SYTL2: variants seen among roughly 807,000 people sequenced by gnomAD.
SYTL2 encodes synaptotagmin-like protein 2.
In SYTL2, 165 loss-of-function variants were observed where a neutral mutation model predicts 198.7. The observed-to-expected ratio is 0.83, with a 90% CI of 0.73 to 0.94. The LOEUF is 0.94. SYTL2 is among the 40% of genes least tolerant of loss of function. The probability of loss-of-function intolerance (pLI) is 0.00; values close to 1 mark genes in which losing one functional copy is unlikely to be tolerated. For missense variants in SYTL2, 2,835 were observed against 2,582.8 expected, an observed-to-expected ratio of 1.10 and a Z score of -2.12; for synonymous variants, 966 against 917.7, an observed-to-expected ratio of 1.05 and a Z score of -0.95.
the SYTL2 span, among the ~76,000 whole-genome samples, chr11:85,843,259 T>G: frequency 5.3e-4 from 80 of 152,042 alleles, 2 homozygotes; most frequent in African/African-American, 1.8e-3. Context: ...TCCCAGTTAC[T>G]TGGGAGGCTG....
chr11:85,711,965 A>T (rs758095470), intron 12 of SYTL2, among the ~76,000 whole-genome samples: 2 of 152,192 alleles, frequency 1.3e-5, no homozygotes, highest in Non-Finnish European at 1.5e-5. Flanking sequence ...CAAGAAAGAA[A>T]AGTGACAGTA....
chr11:85,729,060 C>T (rs556223842), intron 7 of SYTL2, among the ~76,000 whole-genome samples: 1 of 152,256 alleles, frequency 6.6e-6, no homozygotes, highest in South Asian at 2.1e-4. Flanking sequence ...TATATATGCA[C>T]CCAATACAGG....
chr11:85,817,504 A>T, the SYTL2 span, among the ~76,000 whole-genome samples: 3 of 152,220 alleles, frequency 2.0e-5, no homozygotes, highest in Admixed American at 1.3e-4. Flanking sequence ...AATTAATTTC[A>T]TCTGTTTATT....
intron 1 of SYTL2, among the ~76,000 whole-genome samples, chr11:85,792,877 T>C (rs1388061924): frequency 1.3e-5 from 2 of 151,548 alleles, no homozygotes; most frequent in Non-Finnish European, 2.9e-5. Flanking sequence ...GAACATGCAG[T>C]GTTTGGGTTT....
At chr11:85,822,797 C>T in the SYTL2 span, among the ~76,000 whole-genome samples, 5 of 152,180 alleles carry the variant, frequency 3.3e-5, no homozygotes, top group Admixed American at 2.0e-4. Flanking sequence ...GCAGAGAGGA[C>T]GGACAAGCTG....
chr11:85,694,605 CTGTT>C lies in SYTL2; in HGVS notation c.*586_*589del, dbSNP rs1463070859. ...AAAATACATTTGAGGCTTGTTTTAA[CTGTT>C]TGTTTTCTCAAGGCAGAAAAACACC... On this transcript the variant is annotated 3_prime_UTR_variant, in exon 20 of 20. Transcript: ENST00000359152. The C allele has an allele frequency of 3.9e-5, 6 of 152,144 alleles. No individual in the cohort carries two copies. Among genetic ancestry groups the C allele is most frequent in the African/African-American group, 7.2e-5 (3 of 41,432 alleles). The allele number at this position is 152,144 out of a possible 1,614,324, so 9.4% of individuals were successfully genotyped here.
At chr11:85,795,484 G>C (rs1395617912) in intron 1 of SYTL2, among the ~76,000 whole-genome samples, 2 of 152,164 alleles carry the variant, frequency 1.3e-5, no homozygotes, top group African/African-American at 4.8e-5. Context: ...GTGCCAGGCA[G>C]TGTACCAAAA....
intron 1 of SYTL2, among the ~76,000 whole-genome samples, chr11:85,787,341 C>A (rs2092651285): frequency 1.3e-5 from 2 of 152,302 alleles, no homozygotes; most frequent in South Asian, 2.1e-4. Flanking sequence ...TTCACCCTTC[C>A]ATAGATACTT....
At chr11:85,758,412 TAA>T (rs2091977649) in intron 1 of SYTL2, among the ~76,000 whole-genome samples, 1 of 152,220 alleles carries the variant, frequency 6.6e-6, no homozygotes, top group African/African-American at 2.4e-5. Flanking sequence ...GATGCTAGGC[TAA>T]AAAGTCATGT....
intron 1 of SYTL2, among the ~76,000 whole-genome samples, chr11:85,805,091 T>C (rs974604989): frequency 6.6e-6 from 1 of 152,158 alleles, no homozygotes; most frequent in African/African-American, 2.4e-5. Context: ...TGGAGGGAAT[T>C]ACATGCTATG....
At chr11:85,769,521 T>C (rs1159872692) in intron 1 of SYTL2, among the ~76,000 whole-genome samples, 2 of 152,230 alleles carry the variant, frequency 1.3e-5, no homozygotes, top group Non-Finnish European at 2.9e-5. Context: ...GTAAGATCCA[T>C]TTCAGACTTC....
rs749622117 is a variant in SYTL2 at position 85,734,634 on chromosome 11, T to G, written c.695A>C (p.Lys232Thr). ...CTTCCTGGCTTTGGGGATTGGAGCC[T>G]TGATTTGGGACCCATTTGAAAGGCC... ...LPGLSNGSQI[K>T]APIPKARKMI... Residue 232 changes from lysine (K) to threonine (T), a missense_variant, in exon 7 of 20, where the codon AAG (lysine) becomes ACG (threonine). Lys to Thr is a moderately conservative substitution (Grantham distance 78). This residue lies in a region of SYTL2 where 2,645 missense variants were observed against 2,381.7 expected (regional missense o/e 1.11). Coordinates refer to ENST00000359152, the MANE Select transcript of SYTL2 (RefSeq NM_206927.4). The G allele has an allele frequency of 3.1e-6, 5 of 1,614,096 alleles. No homozygotes were observed. The East Asian group carries it at 8.9e-5, about 29-fold the overall frequency.
intron 8 of SYTL2, among the ~76,000 whole-genome samples, chr11:85,722,617 C>T (rs1329878263): frequency 6.6e-6 from 1 of 152,072 alleles, no homozygotes; most frequent in Admixed American, 6.5e-5. Context: ...ACACTAGCAA[C>T]TCATGGGCAG....
chr11:85,733,036 C>A (rs916927066), intron 7 of SYTL2, among the ~76,000 whole-genome samples: 1 of 152,132 alleles, frequency 6.6e-6, no homozygotes, highest in Non-Finnish European at 1.5e-5. Context: ...ACCCTCATTG[C>A]CTCTCAACTC....
At chr11:85,816,594 A>G in the SYTL2 span, among the ~76,000 whole-genome samples, 1 of 152,166 alleles carries the variant, frequency 6.6e-6, no homozygotes, top group African/African-American at 2.4e-5. Context: ...TGTACTTCAT[A>G]CCATAGAACT....
At chr11:85,757,438 A>G (rs553596414) in intron 2 of SYTL2, among the ~76,000 whole-genome samples, 187 bp downstream of exon 2, 1 of 152,330 alleles carries the variant, frequency 6.6e-6, no homozygotes, top group Non-Finnish European at 1.5e-5. Flanking sequence ...GTAGGAGTCC[A>G]GTAGGATAAA....
rs372983553 is a variant in SYTL2, at chr11:85,726,191, G to A, written c.3167C>T (p.Ser1056Leu). 3.5e-5 allele frequency: 56 copies of A among 1,613,492 alleles called. No individual in the cohort carries two copies. In the African/African-American group the frequency reaches 7.1e-4, roughly 20 times the overall value. Reference protein sequence around the residue: ...MAREEMEKLNSKGILQVLPDE... With the variant: ...MAREEMEKLNLKGILQVLPDE... ...TGGTAGCACCTGGAGTATGCCCTTT[G>A]AATTTAATTTCTCCATTTCCTCTCT... The change falls in exon 8 of 20, where the codon TCA (serine) becomes TTA (leucine). Residue 1056 changes from serine (S) to leucine (L), a missense_variant. Physicochemically the swap from Ser to Leu is moderately radical, Grantham distance 145. This residue lies in a region of SYTL2 where 2,645 missense variants were observed against 2,381.7 expected (regional missense o/e 1.11). Coordinates refer to ENST00000359152, the MANE Select transcript of SYTL2 (RefSeq NM_206927.4).
chr11:85,791,032 T>A (rs1343701783), intron 1 of SYTL2, among the ~76,000 whole-genome samples: 1 of 151,408 alleles, frequency 6.6e-6, no homozygotes, highest in Non-Finnish European at 1.5e-5. Flanking sequence ...CCGGGCATGG[T>A]GATGCACACC....
At chr11:85,731,688 C>A (rs1242182906) in intron 7 of SYTL2, among the ~76,000 whole-genome samples, 1 of 152,164 alleles carries the variant, frequency 6.6e-6, no homozygotes, top group Non-Finnish European at 1.5e-5. Flanking sequence ...GACTTCATGA[C>A]TAAAACACCA....
Sources: gnomAD v4.1 joint callset for allele counts (sites outside exome capture counted in the v4.1 genomes callset) on GRCh38, gnomAD v4.1.1 for gene constraint, gnomAD v4.1.1 regional missense constraint, MANE v1.5 for transcripts, NCBI Gene and HGNC (gene_info 2026-07-23, HGNC 2026-07-21) for gene names.